The following DOCK7 variants were observed in gnomAD, a reference collection of about 807,000 sequenced individuals.
DOCK7 encodes dedicator of cytokinesis 7, also known as dedicator of cytokinesis protein 7.
In DOCK7, 138 loss-of-function variants were observed where a neutral mutation model predicts 271.0. The ratio of observed to expected loss-of-function variants is 0.51; its 90% CI spans 0.44 to 0.59. DOCK7 has a LOEUF of 0.59. Ranked by LOEUF, DOCK7 falls within the 20% of genes least tolerant of loss-of-function variation. The probability of loss-of-function intolerance (pLI) is 0.00; values close to 1 mark genes in which losing one functional copy is unlikely to be tolerated. For missense variants in DOCK7, 2,066 were observed against 2,592.4 expected (o/e 0.80, Z 4.41); for synonymous variants, 823 against 876.1 (o/e 0.94, Z 1.07).
At chr1:62,567,024 G>A (rs573256308) in intron 18 of DOCK7, among the ~76,000 whole-genome samples, 18 of 152,168 alleles carry the variant, frequency 1.2e-4, no homozygotes, top group Middle Eastern at 3.4e-3. Flanking sequence ...TTAGAATGGC[G>A]ATCATTAAAA....
At position 62,494,511 on chromosome 1, in the gene DOCK7, A is replaced by T. The variant is rs763192870; in HGVS notation, c.5025-44T>A. On this transcript the variant is annotated intron_variant, in intron 39 of 49. Coordinates refer to ENST00000635253, the MANE Select transcript of DOCK7 (RefSeq NM_001367561.1). Reference sequence around the variant, plus strand: ...CTTCTCCATTAGTATGTGCTTCCCAAGCTGGGAGGGAGTTTAGATAGCTCG... The same window carrying T: ...CTTCTCCATTAGTATGTGCTTCCCATGCTGGGAGGGAGTTTAGATAGCTCG... 34 of 1,547,906 alleles carry T rather than the reference A, an allele frequency of 2.2e-5. No homozygotes were observed. The South Asian group carries it at 4.0e-4, about 18-fold the overall frequency.
intron 48 of DOCK7, among the ~76,000 whole-genome samples, chr1:62,463,218 A>G (rs919284748): frequency 2.0e-5 from 3 of 152,216 alleles, no homozygotes; most frequent in Admixed American, 6.5e-5. Flanking sequence ...TCTTTGGTAA[A>G]GAGATATTCA....
chr1:62,603,381 G>C (rs1212907234), intron 14 of DOCK7, among the ~76,000 whole-genome samples: 2 of 151,644 alleles, frequency 1.3e-5, no homozygotes, highest in Non-Finnish European at 3.0e-5. Flanking sequence ...TTTGTTATTT[G>C]TTTTTAATTC....
At chr1:62,539,068 G>A (rs1291057097) in intron 27 of DOCK7, among the ~76,000 whole-genome samples, 2 of 152,106 alleles carry the variant, frequency 1.3e-5, no homozygotes, top group Non-Finnish European at 2.9e-5. Context: ...TTTTAATTTC[G>A]TAAAGTCAAG....
At chr1:62,604,132 T>C in intron 14 of DOCK7, 1 of 1,613,472 alleles carries the variant, frequency 6.2e-7, no homozygotes, top group Non-Finnish European at 8.5e-7. Flanking sequence ...TAGTTGCGAT[T>C]ACTGGCAATG....
intron 43 of DOCK7, among the ~76,000 whole-genome samples, chr1:62,480,514 T>C (rs967468926): frequency 2.6e-5 from 4 of 152,176 alleles, no homozygotes; most frequent in African/African-American, 9.7e-5. Context: ...AAGATTAATC[T>C]TGTTGCAAGT....
chr1:62,626,359 A>C (rs531929066), intron 11 of DOCK7, among the ~76,000 whole-genome samples: 1 of 152,116 alleles, frequency 6.6e-6, no homozygotes, highest in Non-Finnish European at 1.5e-5. Flanking sequence ...AAACCAGCAG[A>C]AGGCTACAAG....
intron 4 of DOCK7, among the ~76,000 whole-genome samples, chr1:62,651,007 G>A (rs1480465833): frequency 1.3e-5 from 2 of 152,080 alleles, no homozygotes; most frequent in African/African-American, 4.8e-5. Flanking sequence ...TATGTTTACT[G>A]CGGTGCTATT....
intron 49 of DOCK7, among the ~76,000 whole-genome samples, chr1:62,456,964 G>A (rs943464484): frequency 6.6e-6 from 1 of 152,164 alleles, no homozygotes; most frequent in East Asian, 1.9e-4. Context: ...ACTTTCTGCA[G>A]TTATTGTGTC....
intron 21 of DOCK7, among the ~76,000 whole-genome samples, chr1:62,553,791 T>C (rs1013403806): frequency 3.3e-5 from 5 of 152,116 alleles, no homozygotes; most frequent in Admixed American, 2.6e-4. Flanking sequence ...TAATTGTATA[T>C]TACACATACA....
At position 62,488,941 on chromosome 1, in the gene DOCK7, A is replaced by T. The variant is rs375887190; in HGVS notation, c.5486T>A (p.Val1829Asp). The T allele has an allele frequency of 1.9e-5, 30 of 1,613,584 alleles. No homozygotes were observed. In the African/African-American group the frequency reaches 3.6e-4, roughly 19 times the overall value. ...GKLQEAFSKI[V>D]HQSTGWERMF... ...AGAAATTGGAATCATTACCTGATGA[A>T]CAATTTTGCTGAATGCTTCTTGAAG... is the stretch of plus-strand genomic sequence containing the variant. Residue 1829 changes from valine to aspartate, a missense_variant, in exon 42 of 50, where the codon GTT becomes GAT. This residue lies in a region of DOCK7 where 652 missense variants were observed against 922.1 expected (regional missense o/e 0.71). Coordinates refer to ENST00000635253, the MANE Select transcript of DOCK7 (RefSeq NM_001367561.1).
Position 62,454,905 on chromosome 1 carries a change from T to G in DOCK7, c.*509A>C, listed in dbSNP as rs1645305446. Reference sequence around the variant, plus strand: ...TACCAAACTCATTAATTTGGGGCTATCTATGATTTTTATTCTGCTAGGTTT... The same window carrying G: ...TACCAAACTCATTAATTTGGGGCTAGCTATGATTTTTATTCTGCTAGGTTT... On this transcript the variant is annotated 3_prime_UTR_variant, in exon 50 of 50. Coordinates refer to ENST00000635253, the MANE Select transcript of DOCK7 (RefSeq NM_001367561.1). 1 of 281,236 alleles carries G rather than the reference T, an allele frequency of 3.6e-6. No homozygotes were observed. The highest frequency in any genetic ancestry group is 1.6e-4 in the South Asian group (1 of 6,094). The allele number at this position is 281,236 out of a possible 1,614,324, so 17.4% of individuals were successfully genotyped here. A position where few individuals can be genotyped will look rare whatever the true frequency, so the allele number is the denominator to read the frequency against.
intron 15 of DOCK7, among the ~76,000 whole-genome samples, chr1:62,585,279 T>C (rs567257774): frequency 1.2e-4 from 18 of 152,278 alleles, no homozygotes; most frequent in African/African-American, 4.3e-4. Context: ...ATAGGGTAGA[T>C]GAAAATGTAT....
intron 21 of DOCK7, among the ~76,000 whole-genome samples, chr1:62,553,385 T>A (rs12079483): frequency 0.99 from 101,472 of 102,580 alleles, 50,213 homozygotes; most frequent in Middle Eastern, 1. Flanking sequence ...TTTTTTTTTT[T>A]AATAGGCAGG....
intron 1 of DOCK7, among the ~76,000 whole-genome samples, chr1:62,687,810 G>A (rs1661989229): frequency 1.3e-5 from 2 of 152,006 alleles, no homozygotes; most frequent in Non-Finnish European, 2.9e-5. Context: ...TAGGGGCCAA[G>A]AGGGGTGGGC....
intron 29 of DOCK7, among the ~76,000 whole-genome samples, chr1:62,535,215 ATAT>A (rs1443591975): frequency 6.6e-6 from 1 of 152,208 alleles, no homozygotes; most frequent in Non-Finnish European, 1.5e-5. Flanking sequence ...TTTATTTTAT[ATAT>A]TATTAAGAAG....
At chr1:62,465,481 TAA>T (rs60628704) in intron 48 of DOCK7, among the ~76,000 whole-genome samples, 2,307 of 149,152 alleles carry the variant, frequency 0.015, 58 homozygotes, top group African/African-American at 0.05. Flanking sequence ...AAGAACACTG[TAA>T]AAAAAAAAAA....
intron 1 of DOCK7, among the ~76,000 whole-genome samples, chr1:62,680,778 G>C (rs1312890629): frequency 1.3e-5 from 2 of 151,538 alleles, no homozygotes; most frequent in Admixed American, 1.3e-4. Flanking sequence ...AAAGACACAT[G>C]AAAAAATGCT....
intron 22 of DOCK7, among the ~76,000 whole-genome samples, chr1:62,549,614 C>T (rs1037743929): frequency 4.0e-5 from 6 of 151,886 alleles, no homozygotes; most frequent in Admixed American, 6.6e-5. Flanking sequence ...AGTGGGGTAT[C>T]CATCACCCCA....
Sources: gnomAD v4.1 joint callset for allele counts (sites outside exome capture counted in the v4.1 genomes callset) on GRCh38, gnomAD v4.1.1 for gene constraint, gnomAD v4.1.1 regional missense constraint, MANE v1.5 for transcripts, NCBI Gene and HGNC (gene_info 2026-07-23, HGNC 2026-07-21) for gene names.